Variants in SPATA17 observed in about 807,000 individuals in gnomAD.
SPATA17 encodes the protein spermatogenesis-associated protein 17.
SPATA17 carries 53 observed loss-of-function variants against 62.2 expected under a neutral mutation model. The ratio of observed to expected loss-of-function variants is 0.85; its 90% CI spans 0.68 to 1.07. The LOEUF is 1.07. Ranked by LOEUF, SPATA17 falls within the 50% of genes least tolerant of loss-of-function variation. The pLI is 0.00. For synonymous variants in SPATA17, 146 were observed against 146.8 expected (o/e 0.99, Z 0.04); for missense variants, 466 against 425.5 (o/e 1.10, Z -0.84).
intron 9 of SPATA17, among the ~76,000 whole-genome samples, chr1:217,853,719 C>T (rs1675714595): frequency 6.6e-6 from 1 of 152,158 alleles, no homozygotes; most frequent in Admixed American, 6.6e-5. Flanking sequence ...CCAATCAGTG[C>T]ATAATAGTGT....
rs572904765 is a variant in SPATA17 at position 217,770,868 on chromosome 1, G to A, written c.520-3466G>A. 5.3e-5 allele frequency among the ~76,000 whole-genome samples: 8 copies of A among 150,602 alleles called. No individual in the cohort carries two copies. The South Asian group carries it at 1.7e-3, about 32-fold the overall frequency. Reference sequence around the variant, plus strand: ...TGGGTAACAAATGGTACGTTTGCTCGTTGCTCAACCTGACATAATTAATAT... The same window carrying A: ...TGGGTAACAAATGGTACGTTTGCTCATTGCTCAACCTGACATAATTAATAT... On this transcript the variant is annotated intron_variant, in intron 6 of 10. Coordinates refer to ENST00000366933, the MANE Select transcript of SPATA17 (RefSeq NM_138796.4).
At position 217,868,948 on chromosome 1, in the gene SPATA17, C is replaced by T. The variant is rs1487813900; in HGVS notation, c.*1929C>T. 9 of 152,392 alleles carry T rather than the reference C, an allele frequency of 5.9e-5. No homozygotes were observed. In the East Asian group the frequency reaches 1.4e-3, roughly 23 times the overall value. 9.4% of individuals were successfully genotyped at this position (152,392 alleles called of 1,614,324 possible). On this transcript the variant is annotated 3_prime_UTR_variant, in exon 11 of 11. Coordinates refer to ENST00000366933, the MANE Select transcript of SPATA17 (RefSeq NM_138796.4). ...CTGCCTGCCTCGGCCTCCCAAAGTACTGGGATTACAGGCATGAGTCACTGA... is the reference window on the plus strand; with the variant it reads ...CTGCCTGCCTCGGCCTCCCAAAGTATTGGGATTACAGGCATGAGTCACTGA...
chr1:217,771,404 T>C (rs956076803), intron 6 of SPATA17, among the ~76,000 whole-genome samples: 1 of 152,082 alleles, frequency 6.6e-6, no homozygotes, highest in African/African-American at 2.4e-5. Context: ...TTGTGACTCA[T>C]AGTAATATTT....
chr1:217,672,055 G>A (rs1224050660), intron 4 of SPATA17, among the ~76,000 whole-genome samples: 1 of 152,148 alleles, frequency 6.6e-6, no homozygotes, highest in Non-Finnish European at 1.5e-5. Flanking sequence ...AGCTGTCAGT[G>A]GACTCCAGCC....
chr1:217,746,918 T>C (rs2102952115), intron 6 of SPATA17, among the ~76,000 whole-genome samples: 1 of 152,154 alleles, frequency 6.6e-6, no homozygotes, highest in East Asian at 1.9e-4. Context: ...GCATAAATAA[T>C]CAATCACCAT....
At chr1:217,743,164 A>G (rs1672664935) in intron 6 of SPATA17, among the ~76,000 whole-genome samples, 1 of 152,126 alleles carries the variant, frequency 6.6e-6, no homozygotes, top group Non-Finnish European at 1.5e-5. Context: ...AGTTACAGAT[A>G]CAAAGCTAGT....
At chr1:217,767,535 T>G (rs1361369779) in intron 6 of SPATA17, among the ~76,000 whole-genome samples, 1 of 152,192 alleles carries the variant, frequency 6.6e-6, no homozygotes, top group African/African-American at 2.4e-5. Flanking sequence ...CCACAGCTCT[T>G]GGATATTCTG....
At position 217,772,788 on chromosome 1, in the gene SPATA17, T is replaced by C. The variant is rs1327127452; in HGVS notation, c.520-1546T>C. Among the ~76,000 whole-genome samples, 13 of 152,358 alleles carry C rather than the reference T, an allele frequency of 8.5e-5. No individual in the cohort carries two copies. In the East Asian group the frequency reaches 2.3e-3, roughly 27 times the overall value. On this transcript the variant is annotated intron_variant, in intron 6 of 10. Coordinates refer to ENST00000366933, the MANE Select transcript of SPATA17 (RefSeq NM_138796.4). ...GCAAAAATACCTGGAACAGACTCTC[T>C]GTGCTCCAGCTTCTAGCTTGTGGAA... is the stretch of plus-strand genomic sequence containing the variant.
At chr1:217,804,655 A>G (rs934146586) in intron 9 of SPATA17, among the ~76,000 whole-genome samples, 2 of 152,206 alleles carry the variant, frequency 1.3e-5, no homozygotes, top group Non-Finnish European at 2.9e-5. Flanking sequence ...TAGAGTTAAT[A>G]TCTGAAATAT....
chr1:217,767,892 C>A (rs1467433250), intron 6 of SPATA17, among the ~76,000 whole-genome samples: 2 of 152,164 alleles, frequency 1.3e-5, no homozygotes, highest in Non-Finnish European at 2.9e-5. Flanking sequence ...ACAGAGGCTG[C>A]ATCTTCAAGT....
intron 5 of SPATA17, among the ~76,000 whole-genome samples, chr1:217,706,294 G>T (rs1671733196): frequency 6.6e-6 from 1 of 152,238 alleles, no homozygotes; most frequent in African/African-American, 2.4e-5. Flanking sequence ...ATTGCTTTGG[G>T]CAGTGTGGCC....
intron 7 of SPATA17, among the ~76,000 whole-genome samples, chr1:217,780,463 G>A (rs1461893395): frequency 6.6e-6 from 1 of 152,102 alleles, no homozygotes; most frequent in Non-Finnish European, 1.5e-5. Flanking sequence ...ATCCTAAGCA[G>A]GGCTTCTTCT....
intron 5 of SPATA17, among the ~76,000 whole-genome samples, chr1:217,720,129 A>G (rs771299582): frequency 5.3e-5 from 8 of 152,218 alleles, no homozygotes; most frequent in Non-Finnish European, 1.0e-4. Flanking sequence ...GCGTTGACAT[A>G]TCCCTCCAGA....
At chr1:217,653,599 G>A (rs17673256) in intron 3 of SPATA17, among the ~76,000 whole-genome samples, 6,281 of 142,964 alleles carry the variant, frequency 0.044, 197 homozygotes, top group Middle Eastern at 0.1. Flanking sequence ...ACAAATGAGT[G>A]TGGTTGTAGA....
At chr1:217,799,422 G>GTA (rs1337232724) in intron 8 of SPATA17, among the ~76,000 whole-genome samples, 4 of 152,054 alleles carry the variant, frequency 2.6e-5, no homozygotes, top group Admixed American at 2.6e-4. Context: ...CACCTCCTTT[G>GTA]TATACTCAGG....
intron 1 of SPATA17, among the ~76,000 whole-genome samples, chr1:217,636,153 G>A (rs988775496): frequency 9.7e-5 from 13 of 134,026 alleles, no homozygotes; most frequent in Admixed American, 3.6e-4. Flanking sequence ...AAAAAAAAGG[G>A]TGTTTTCAGC....
At chr1:217,647,242 T>A (rs537854230) in intron 1 of SPATA17, among the ~76,000 whole-genome samples, 1 of 152,304 alleles carries the variant, frequency 6.6e-6, no homozygotes, top group African/African-American at 2.4e-5. Context: ...GGGGTTAAGT[T>A]ACTAAGAAGA....
At chr1:217,636,131 CA>C (rs397982927) in intron 1 of SPATA17, among the ~76,000 whole-genome samples, 2 of 101,656 alleles carry the variant, frequency 2.0e-5, no homozygotes, top group Non-Finnish European at 3.7e-5. Context: ...GACTCCGTCT[CA>C]AAAAAAAAAA....
chr1:217,631,527 C>CG, intron 1 of SPATA17, 81 bp downstream of exon 1: 1 of 1,387,996 alleles, frequency 7.2e-7, no homozygotes, highest in Admixed American at 1.7e-5. Context: ...TTCCAATTAA[C>CG]GATTTAACGA....
Sources: gnomAD v4.1 joint callset for allele counts (sites outside exome capture counted in the v4.1 genomes callset) on GRCh38, gnomAD v4.1.1 for gene constraint, MANE v1.5 for transcripts, NCBI Gene and HGNC (gene_info 2026-07-23, HGNC 2026-07-21) for gene names.